UQCC6: variants seen among roughly 807,000 people sequenced by gnomAD.
The protein encoded by UQCC6 is ubiquinol-cytochrome c reductase complex assembly factor 6, also known as protein BRAWNIN.
At chr12:103,960,027 G>A in the UQCC6 span, among the ~76,000 whole-genome samples, 30 of 151,600 alleles carry the variant, frequency 2.0e-4, no homozygotes, top group African/African-American at 6.8e-4. Flanking sequence ...CGCCTGCCTC[G>A]GCCTCCCAAA....
the UQCC6 span, chr12:103,956,650 C>G: frequency 1.9e-6 from 3 of 1,551,388 alleles, no homozygotes; most frequent in Non-Finnish European, 2.6e-6. Flanking sequence ...TCGGTAGTAC[C>G]TGTGCACCAC....
At chr12:103,958,708 T>G in the UQCC6 span, among the ~76,000 whole-genome samples, 1 of 152,354 alleles carries the variant, frequency 6.6e-6, no homozygotes, top group Non-Finnish European at 1.5e-5. Context: ...ACATTTTGGT[T>G]GTTTCTAGTT....
the UQCC6 span, among the ~76,000 whole-genome samples, chr12:103,951,814 A>G: frequency 6.6e-6 from 1 of 152,194 alleles, no homozygotes; most frequent in African/African-American, 2.4e-5. Flanking sequence ...CTGTGTTTAT[A>G]TGAGTCTATC....
chr12:103,950,757 T>C, the UQCC6 span: 2 of 152,166 alleles, frequency 1.3e-5, no homozygotes, highest in African/African-American at 4.8e-5. Flanking sequence ...CCAAGGTAAA[T>C]TTTTACTTTA....
chr12:103,953,558 A>G, the UQCC6 span: 75 of 702,272 alleles, frequency 1.1e-4, no homozygotes, highest in Non-Finnish European at 1.8e-4. Flanking sequence ...AGTGGTTGAC[A>G]ACAGTGACAG....
the UQCC6 span, chr12:103,954,707 G>T: frequency 2.1e-6 from 1 of 485,992 alleles, no homozygotes. Flanking sequence ...AAGTAGTAAA[G>T]GATATTCACC....
At chr12:103,962,865 C>T in the UQCC6 span, among the ~76,000 whole-genome samples, 1 of 152,208 alleles carries the variant, frequency 6.6e-6, no homozygotes, top group Non-Finnish European at 1.5e-5. Context: ...TGATTTATTT[C>T]CTGGGTGAAG....
At chr12:103,965,689 C>A in the UQCC6 span, 2 of 302,694 alleles carry the variant, frequency 6.6e-6, no homozygotes, top group Non-Finnish European at 1.2e-5. Flanking sequence ...CGGCAGAGCG[C>A]TCCTAGTCCC....
the UQCC6 span, chr12:103,956,728 C>G: frequency 6.4e-7 from 1 of 1,551,330 alleles, no homozygotes; most frequent in Non-Finnish European, 8.7e-7. Context: ...CATGGGCACG[C>G]CCGCGGGCAT....
At chr12:103,961,593 G>C in the UQCC6 span, among the ~76,000 whole-genome samples, 1 of 152,006 alleles carries the variant, frequency 6.6e-6, no homozygotes, top group Non-Finnish European at 1.5e-5. Context: ...GTCTCGCTCT[G>C]TTGCCCAGGC....
At chr12:103,960,736 A>G in the UQCC6 span, among the ~76,000 whole-genome samples, 1 of 152,172 alleles carries the variant, frequency 6.6e-6, no homozygotes, top group Non-Finnish European at 1.5e-5. Flanking sequence ...TAAGATTACA[A>G]CGAACCTGAA....
chr12:103,962,890 G>T, the UQCC6 span, among the ~76,000 whole-genome samples: 2 of 152,124 alleles, frequency 1.3e-5, no homozygotes, highest in Admixed American at 6.5e-5. Flanking sequence ...GAACACTCCT[G>T]GGCTAAGGGC....
chr12:103,962,384 T>C, the UQCC6 span, among the ~76,000 whole-genome samples: 2 of 152,258 alleles, frequency 1.3e-5, no homozygotes, highest in Non-Finnish European at 2.9e-5. Context: ...TTGTCTTCTA[T>C]ATTTTCTTCT....
chr12:103,963,834 G>GT, the UQCC6 span, among the ~76,000 whole-genome samples: 1 of 151,762 alleles, frequency 6.6e-6, no homozygotes, highest in Admixed American at 6.6e-5. Context: ...TAGGTTTTTT[G>GT]TAGGTTCCAC....
chr12:103,955,010 A>C, the UQCC6 span: 1 of 697,266 alleles, frequency 1.4e-6, no homozygotes, highest in Non-Finnish European at 2.6e-6. Context: ...AGTGACAATT[A>C]ACTGATGTTA....
the UQCC6 span, among the ~76,000 whole-genome samples, chr12:103,952,677 C>T: frequency 1.3e-5 from 2 of 152,198 alleles, no homozygotes; most frequent in Non-Finnish European, 2.9e-5. Context: ...CTTGACAATA[C>T]TTGTTACTCT....
the UQCC6 span, chr12:103,951,573 T>C: frequency 6.5e-7 from 1 of 1,550,294 alleles, no homozygotes; most frequent in East Asian, 2.4e-5. Flanking sequence ...TTTCTTTCTT[T>C]CAGTCCCAAA....
the UQCC6 span, chr12:103,956,745 C>CA: frequency 6.5e-7 from 1 of 1,545,940 alleles, no homozygotes; most frequent in Non-Finnish European, 8.8e-7. Flanking sequence ...GCATGGTCGG[C>CA]AGGCTGGACG....
chr12:103,951,219 C>T, the UQCC6 span: 1 of 206,664 alleles, frequency 4.8e-6, no homozygotes, highest in Non-Finnish European at 9.5e-6. Context: ...TAAATAATTT[C>T]TTAATTTATA....
Sources: gnomAD v4.1 joint callset for allele counts (sites outside exome capture counted in the v4.1 genomes callset) on GRCh38, gnomAD v4.1.1 for gene constraint, MANE v1.5 for transcripts, NCBI Gene and HGNC (gene_info 2026-07-23, HGNC 2026-07-21) for gene names.